PRPSAP2: variants seen among roughly 807,000 people sequenced by gnomAD.
The protein encoded by PRPSAP2 is phosphoribosyl pyrophosphate synthase-associated protein 2.
PRPSAP2 carries 24 observed loss-of-function variants against 40.6 expected under a neutral mutation model. That is an observed-to-expected ratio of 0.59 (90% confidence interval 0.43 to 0.83). PRPSAP2 has a LOEUF of 0.83. Among genes scored for constraint, PRPSAP2 ranks in the 40% least tolerant of loss-of-function variants. The pLI, the probability that PRPSAP2 is intolerant of heterozygous loss-of-function variation, is 0.00. For synonymous variants in PRPSAP2, 149 were observed against 164.7 expected, an observed-to-expected ratio of 0.90 and a Z score of 0.73; for missense variants, 292 against 465.6, an observed-to-expected ratio of 0.63 and a Z score of 3.43.
chr17:18,860,163 G>A (rs879457101), intron 1 of PRPSAP2, among the ~76,000 whole-genome samples: 1 of 152,184 alleles, frequency 6.6e-6, no homozygotes, highest in East Asian at 1.9e-4. Flanking sequence ...AAGTTCAAGC[G>A]ATTCTCCTGC....
intron 7 of PRPSAP2, among the ~76,000 whole-genome samples, chr17:18,889,223 G>C (rs1008359642): frequency 1.3e-5 from 2 of 152,148 alleles, no homozygotes; most frequent in Non-Finnish European, 2.9e-5. Flanking sequence ...TTGCTAAGTA[G>C]TTATTATTTA....
At chr17:18,910,587 T>C (rs1185631630) in intron 8 of PRPSAP2, among the ~76,000 whole-genome samples, 1 of 152,212 alleles carries the variant, frequency 6.6e-6, no homozygotes, top group East Asian at 1.9e-4. Context: ...ATGACGTTCC[T>C]TATCTTGATT....
chr17:18,867,227 G>A (rs770233760), intron 3 of PRPSAP2, 55 bp from the exon 4 acceptor site: 8 of 1,517,944 alleles, frequency 5.3e-6, no homozygotes, highest in African/African-American at 1.4e-5. Context: ...AAATAGTAAA[G>A]ATACTGGGTT....
intron 8 of PRPSAP2, chr17:18,904,816 C>G: frequency 6.6e-6 from 1 of 152,086 alleles, no homozygotes; most frequent in East Asian, 1.9e-4. Flanking sequence ...TCTTTCTCAC[C>G]CATGATGTAA....
chr17:18,921,585 A>G (rs1204143004), intron 9 of PRPSAP2, among the ~76,000 whole-genome samples: 1 of 152,064 alleles, frequency 6.6e-6, no homozygotes, highest in Admixed American at 6.6e-5. Context: ...TAGGGAGTGG[A>G]TATTGTCTCC....
At chr17:18,927,921 G>A (rs2042054995) in intron 10 of PRPSAP2, among the ~76,000 whole-genome samples, 1 of 152,078 alleles carries the variant, frequency 6.6e-6, no homozygotes, top group African/African-American at 2.4e-5. Flanking sequence ...TAGGACTACA[G>A]GTGCGTACCT....
chr17:18,883,025 A>T (rs1235082363), intron 7 of PRPSAP2, among the ~76,000 whole-genome samples: 8 of 152,090 alleles, frequency 5.3e-5, no homozygotes, highest in Admixed American at 3.3e-4. Flanking sequence ...ATCCAGTTAT[A>T]ATAGCCAGCA....
At chr17:18,917,655 G>A (rs2041448418) in intron 9 of PRPSAP2, 1 of 126,754 alleles carries the variant, frequency 7.9e-6, no homozygotes. Context: ...GGCCAGGCTG[G>A]CCTCGAACTG....
At chr17:18,891,315 T>C (rs1395463741) in intron 8 of PRPSAP2, among the ~76,000 whole-genome samples, 1 of 152,180 alleles carries the variant, frequency 6.6e-6, no homozygotes, top group East Asian at 1.9e-4. Context: ...GTATATTAAA[T>C]AAAATAAATT....
chr17:18,864,853 C>CT (rs926541575), intron 1 of PRPSAP2: 61 of 146,832 alleles, frequency 4.2e-4, no homozygotes, highest in African/African-American at 8.7e-4. Context: ...ATGATGACGA[C>CT]TTTTTTTTTT....
intron 10 of PRPSAP2, among the ~76,000 whole-genome samples, chr17:18,925,748 A>G (rs2041931956): frequency 6.6e-6 from 1 of 152,194 alleles, no homozygotes; most frequent in African/African-American, 2.4e-5. Flanking sequence ...CCATTTCCCA[A>G]GTTCCATAGT....
intron 8 of PRPSAP2, among the ~76,000 whole-genome samples, chr17:18,902,234 C>G (rs141938621): frequency 6.6e-6 from 1 of 152,140 alleles, no homozygotes; most frequent in Non-Finnish European, 1.5e-5. Context: ...GATGTAGTAG[C>G]CTTTTGCTCA....
chr17:18,911,998 C>T lies in PRPSAP2; in HGVS notation c.733+747C>T, dbSNP rs527365376. ...AGGAGTTCGAGACCAGCCTGATCCA[C>T]ATGGAGAAACCCCCTCTCTACTAAA... is the stretch of plus-strand genomic sequence containing the variant. On this transcript the variant is annotated intron_variant, in intron 9 of 11. Coordinates refer to ENST00000268835, the MANE Select transcript of PRPSAP2 (RefSeq NM_002767.4). The surrounding 1 kb of genome is among the most constrained non-coding windows in gnomAD (Gnocchi z 4.5). Among the ~76,000 whole-genome samples, 40 of 152,290 alleles carry T rather than the reference C, an allele frequency of 2.6e-4. No individual in the cohort carries two copies. Among genetic ancestry groups the T allele is most frequent in the African/African-American group, 9.1e-4 (38 of 41,560 alleles).
chr17:18,930,560 T>G lies in PRPSAP2; in HGVS notation c.972T>G (p.Ile324Met), dbSNP rs376952436. The G allele has an allele frequency of 1.8e-5, 29 of 1,613,610 alleles. No homozygotes were observed. The highest frequency in any genetic ancestry group is 2.4e-5 in the Non-Finnish European group (28 of 1,179,778). The change falls in exon 12 of 12, where the codon ATT (isoleucine) becomes ATG (methionine). Residue 324 changes from isoleucine to methionine, a missense_variant. Transcript: ENST00000268835. ...AIDEVVVTNT[I>M]PHEVQKLQCP... Reference sequence around the variant, plus strand: ...CACAGGTGGTGGTCACCAATACAATTCCACATGAAGTCCAGAAGCTCCAGT... The same window carrying G: ...CACAGGTGGTGGTCACCAATACAATGCCACATGAAGTCCAGAAGCTCCAGT...
chr17:18,856,946 A>T (rs548108701), upstream of PRPSAP2, among the ~76,000 whole-genome samples: 2 of 152,226 alleles, frequency 1.3e-5, no homozygotes, highest in South Asian at 2.1e-4. Context: ...AAGAGTAAAC[A>T]TTACCTAAGT....
Position 18,887,181 on chromosome 17 carries a change from C to T in PRPSAP2, c.529-2641C>T, listed in dbSNP as rs1302628622. Among the ~76,000 whole-genome samples, 6 of 152,008 alleles carry T rather than the reference C, an allele frequency of 3.9e-5. No homozygotes were observed. In the South Asian group the frequency reaches 8.3e-4, roughly 21 times the overall value. On this transcript the variant is annotated intron_variant, in intron 7 of 11. Transcript: ENST00000268835. The stretch of plus-strand genomic sequence containing the variant: ...AACTCCCAAACTCAGGTTATCCACC[C>T]GCCTCAACCTCCCAGAGTACTGGGA...
At chr17:18,909,779 C>T (rs931788297) in intron 8 of PRPSAP2, among the ~76,000 whole-genome samples, 1 of 151,874 alleles carries the variant, frequency 6.6e-6, no homozygotes, top group African/African-American at 2.4e-5. Flanking sequence ...GTGGCACGTG[C>T]CTATAATCCC....
At chr17:18,892,727 G>GTGTGTGTGTTTATT (rs60288281) in intron 8 of PRPSAP2, among the ~76,000 whole-genome samples, 2 of 126,624 alleles carry the variant, frequency 1.6e-5, no homozygotes, top group Non-Finnish European at 1.7e-5. Flanking sequence ...GTGTGTGTGT[G>GTGTGTGTGTTTATT]TATTTATTTA....
intron 9 of PRPSAP2, among the ~76,000 whole-genome samples, chr17:18,912,261 T>A (rs1054843962): frequency 6.6e-6 from 1 of 152,026 alleles, no homozygotes; most frequent in Non-Finnish European, 1.5e-5. Context: ...ACCTTCTTGC[T>A]GCATCCTCAT....
Sources: gnomAD v4.1 joint callset for allele counts (sites outside exome capture counted in the v4.1 genomes callset) on GRCh38, gnomAD v4.1.1 for gene constraint, Gnocchi (gnomAD v3.1) non-coding constraint, MANE v1.5 for transcripts, NCBI Gene and HGNC (gene_info 2026-07-23, HGNC 2026-07-21) for gene names.